The following DMD variants were observed in gnomAD, a reference collection of about 807,000 sequenced individuals.
DMD encodes dystrophin, also known as mutant dystrophin.
A neutral mutation model predicts 330.1 loss-of-function variants in DMD; 63 were observed. The ratio of observed to expected loss-of-function variants is 0.19; its 90% CI spans 0.16 to 0.24. DMD has a LOEUF of 0.24. DMD is among the 10% of genes least tolerant of loss of function. DMD has a pLI of 1.00. For synonymous variants in DMD, 1,223 were observed against 959.8 expected, an observed-to-expected ratio of 1.27 and a Z score of -5.07; for missense variants, 3,344 against 2,684.1, an observed-to-expected ratio of 1.25 and a Z score of -5.43.
At chrX:32,656,233 G>A (rs1475691712) in intron 9 of DMD, among the ~76,000 whole-genome samples, 6 of 111,410 alleles carry the variant, frequency 5.4e-5, no homozygotes, top group Admixed American at 2.9e-4. Flanking sequence ...TCTCTTCTTC[G>A]TCCTCCCTCC....
chrX:31,369,823 T>G (rs1262566588), intron 60 of DMD, among the ~76,000 whole-genome samples: 1 of 111,585 alleles, frequency 9.0e-6, no homozygotes, highest in African/African-American at 3.3e-5. Context: ...AAACCTCAAC[T>G]TAAACCTCAT....
intron 9 of DMD, among the ~76,000 whole-genome samples, chrX:32,654,798 G>A (rs1433043939): frequency 9.0e-6 from 1 of 111,100 alleles, no homozygotes; most frequent in Non-Finnish European, 1.9e-5. Flanking sequence ...TTTTTGGTTG[G>A]TAGGCTATTA....
intron 63 of DMD, among the ~76,000 whole-genome samples, chrX:31,260,595 C>T (rs1446260080): frequency 9.1e-6 from 1 of 110,288 alleles, no homozygotes; most frequent in East Asian, 2.8e-4. Flanking sequence ...TGGTTTCACA[C>T]GGAAGAAATC....
chrX:32,028,663 C>A (rs763821973), intron 44 of DMD, among the ~76,000 whole-genome samples: 6 of 111,166 alleles, frequency 5.4e-5, no homozygotes, highest in Non-Finnish European at 1.1e-4. Flanking sequence ...GGTTTGGCAA[C>A]AAGAAAGTTG....
chrX:32,760,398 C>A (rs778592069), intron 7 of DMD, among the ~76,000 whole-genome samples: 1 of 111,852 alleles, frequency 8.9e-6, no homozygotes, highest in Non-Finnish European at 1.9e-5. Context: ...CCTTCCAGGG[C>A]AAATATCTGC....
rs748790958 is a variant in DMD, at chrX:32,201,333, T to C, written c.6438+15583A>G. The stretch of plus-strand genomic sequence containing the variant: ...CCTATTTTCAGACAGCAGTTGACCA[T>C]GGGTCACTGAAACTGGGGAAAGCAA... On this transcript the variant is annotated intron_variant, in intron 44 of 78. Coordinates refer to ENST00000357033, the MANE Select transcript of DMD (RefSeq NM_004006.3). Among the ~76,000 whole-genome samples the C allele has an allele frequency of 1.6e-4, 18 of 111,394 alleles. 1 individual carries two copies. The South Asian group carries it at 6.4e-3, about 40-fold the overall frequency.
chrX:33,337,911 G>A (rs780531483), intron 1 of DMD, among the ~76,000 whole-genome samples: 3 of 111,496 alleles, frequency 2.7e-5, no homozygotes, highest in Non-Finnish European at 5.7e-5. Flanking sequence ...CAGCACATAC[G>A]AGTAGCACTG....
intron 1 of DMD, among the ~76,000 whole-genome samples, chrX:33,129,716 C>A (rs1295693046): frequency 9.1e-6 from 1 of 109,953 alleles, no homozygotes; most frequent in African/African-American, 3.3e-5. Context: ...TTAATCGTAC[C>A]GTATTCCCTT....
At chrX:31,627,886 T>A (rs2078929860) in intron 54 of DMD, 24 bp from the exon 55 acceptor site, 3 of 1,187,692 alleles carry the variant, frequency 2.5e-6, no homozygotes, top group South Asian at 1.8e-5. Flanking sequence ...AATGTTCAGA[T>A]GCAATTATTA....
chrX:31,528,114 G>A (rs1569549586), intron 55 of DMD, among the ~76,000 whole-genome samples: 1 of 111,830 alleles, frequency 8.9e-6, no homozygotes, highest in Non-Finnish European at 1.9e-5. Flanking sequence ...AATTGAGGAA[G>A]GCAAGTGGAT....
intron 59 of DMD, among the ~76,000 whole-genome samples, chrX:31,476,459 C>A (rs2067790346): frequency 1.0e-5 from 1 of 99,285 alleles, no homozygotes; most frequent in Non-Finnish European, 2.0e-5. Flanking sequence ...CACACACATT[C>A]AATACACTCT....
intron 17 of DMD, among the ~76,000 whole-genome samples, chrX:32,533,403 C>T (rs950441904): frequency 3.6e-5 from 4 of 111,718 alleles, no homozygotes; most frequent in Admixed American, 9.5e-5. Context: ...AAGTTTTGTT[C>T]GCATACAGGC....
intron 55 of DMD, among the ~76,000 whole-genome samples, chrX:31,553,181 G>T (rs146233953): frequency 0.016 from 1,764 of 111,865 alleles, 22 homozygotes; most frequent in Non-Finnish European, 0.026. Flanking sequence ...TTTTAAAAAG[G>T]CATTCAGAAG....
chrX:31,723,623 A>ACAC, intron 52 of DMD, among the ~76,000 whole-genome samples: 1 of 77,666 alleles, frequency 1.3e-5, no homozygotes, highest in Admixed American at 1.5e-4. Context: ...TATCCTCCAC[A>ACAC]ACACACACAC....
chrX:32,870,988 AC>A (rs1225051490), intron 2 of DMD, among the ~76,000 whole-genome samples: 17 of 41,781 alleles, frequency 4.1e-4, no homozygotes, highest in Middle Eastern at 0.017. Context: ...AAAAAAAAAA[AC>A]CACAAAACCC....
At chrX:32,987,445 C>A (rs780700672) in intron 2 of DMD, among the ~76,000 whole-genome samples, 37 of 111,281 alleles carry the variant, frequency 3.3e-4, no homozygotes, top group African/African-American at 1.1e-3. Context: ...GGCCCACATA[C>A]CAAGTATAGC....
At chrX:31,205,272 T>C (rs974912259) in intron 66 of DMD, among the ~76,000 whole-genome samples, 5 of 112,214 alleles carry the variant, frequency 4.5e-5, no homozygotes, top group African/African-American at 1.6e-4. Context: ...ATTAAATGTT[T>C]TAACAGGATA....
intron 5 of DMD, among the ~76,000 whole-genome samples, chrX:32,819,119 A>G (rs190670550): frequency 3.0e-4 from 32 of 107,459 alleles, no homozygotes; most frequent in African/African-American, 9.9e-4. Context: ...AAGTTGCAGC[A>G]GAGGAATAGA....
At chrX:32,604,035 G>A (rs947862442) in intron 12 of DMD, among the ~76,000 whole-genome samples, 8 of 110,461 alleles carry the variant, frequency 7.2e-5, no homozygotes, top group Non-Finnish European at 1.5e-4. Context: ...AGGCAGGTAA[G>A]GACACAACAA....
Sources: gnomAD v4.1 joint callset for allele counts (sites outside exome capture counted in the v4.1 genomes callset) on GRCh38, gnomAD v4.1.1 for gene constraint, MANE v1.5 for transcripts, NCBI Gene and HGNC (gene_info 2026-07-23, HGNC 2026-07-21) for gene names.